The following IL1RAPL1 variants were observed in gnomAD, a reference collection of about 807,000 sequenced individuals.
The protein encoded by IL1RAPL1 is interleukin-1 receptor accessory protein-like 1.
A neutral mutation model predicts 48.4 loss-of-function variants in IL1RAPL1; 3 were observed. The ratio of observed to expected loss-of-function variants is 0.06; its 90% CI spans 0.03 to 0.16. The LOEUF (loss-of-function observed/expected upper bound fraction) is 0.16, where lower values mean the gene tolerates loss of function less well. IL1RAPL1 is among the 10% of genes least tolerant of loss of function. The probability of loss-of-function intolerance (pLI) is 1.00; values close to 1 mark genes in which losing one functional copy is unlikely to be tolerated. For synonymous variants in IL1RAPL1, 185 were observed against 187.7 expected, an observed-to-expected ratio of 0.99 and a Z score of 0.12; for missense variants, 349 against 530.6, an observed-to-expected ratio of 0.66 and a Z score of 3.36.
At chrX:28,741,542 C>T (rs979069700) in intron 1 of IL1RAPL1, among the ~76,000 whole-genome samples, 1 of 111,959 alleles carries the variant, frequency 8.9e-6, no homozygotes, top group African/African-American at 3.2e-5. Flanking sequence ...AAACATGCTT[C>T]ACAAACCTTG....
In IL1RAPL1 at chrX:28,713,284, C is replaced by T. The variant is rs1166125422; in HGVS notation, c.-24-76036C>T. ...TGTTAGCCAGGATGGTCTCGATCTC[C>T]TGAACTCGTGATCTGCCCACCTCGG... is the stretch of plus-strand genomic sequence containing the variant. On this transcript the variant is annotated intron_variant, in intron 1 of 10. Coordinates refer to ENST00000378993, the MANE Select transcript of IL1RAPL1 (RefSeq NM_014271.4). Among the ~76,000 whole-genome samples, 4 of 110,549 alleles carry T rather than the reference C, an allele frequency of 3.6e-5. No homozygotes were observed. The East Asian group carries it at 1.1e-3, about 32-fold the overall frequency.
chrX:29,262,108 T>C (rs1386920407), intron 2 of IL1RAPL1, among the ~76,000 whole-genome samples: 1 of 111,587 alleles, frequency 9.0e-6, no homozygotes, highest in African/African-American at 3.3e-5. Context: ...AGTACAAATG[T>C]AAGATGGGCA....
intron 1 of IL1RAPL1, among the ~76,000 whole-genome samples, chrX:28,646,419 C>G (rs771644635): frequency 1.8e-5 from 2 of 112,320 alleles, no homozygotes; most frequent in African/African-American, 3.2e-5. Flanking sequence ...CATATTATTG[C>G]ACTTGTATCA....
chrX:29,880,968 T>A (rs1187711508), intron 6 of IL1RAPL1, among the ~76,000 whole-genome samples: 1 of 111,499 alleles, frequency 9.0e-6, no homozygotes, highest in Non-Finnish European at 1.9e-5. Flanking sequence ...CCAACCACAT[T>A]CAAAAATAGA....
At chrX:29,515,456 C>T (rs1268815298) in intron 5 of IL1RAPL1, among the ~76,000 whole-genome samples, 1 of 112,161 alleles carries the variant, frequency 8.9e-6, no homozygotes, top group Non-Finnish European at 1.9e-5. Flanking sequence ...ATCTGTTCTC[C>T]ATTTCTATTA....
intron 6 of IL1RAPL1, among the ~76,000 whole-genome samples, chrX:29,793,191 A>G (rs1170883040): frequency 1.8e-5 from 2 of 112,377 alleles, no homozygotes; most frequent in Non-Finnish European, 3.8e-5. Context: ...CACAAACAAC[A>G]TATACATCAC....
intron 1 of IL1RAPL1, among the ~76,000 whole-genome samples, chrX:28,689,471 A>G (rs1458137398): frequency 1.8e-5 from 2 of 111,642 alleles, no homozygotes; most frequent in East Asian, 5.6e-4. Context: ...CTGTGAGTCA[A>G]TTAAACCTCT....
chrX:29,660,873 A>G (rs1925826972), intron 5 of IL1RAPL1, among the ~76,000 whole-genome samples: 1 of 112,087 alleles, frequency 8.9e-6, no homozygotes. Context: ...GAAAAATGAC[A>G]TTAGTACTTT....
intron 2 of IL1RAPL1, among the ~76,000 whole-genome samples, chrX:28,805,668 A>G (rs1936722101): frequency 9.0e-6 from 1 of 111,300 alleles, no homozygotes. Context: ...AAATATACAC[A>G]CAGTTAACTA....
intron 3 of IL1RAPL1, among the ~76,000 whole-genome samples, chrX:29,392,263 T>C (rs1254907404): frequency 8.9e-6 from 1 of 112,543 alleles, no homozygotes; most frequent in African/African-American, 3.2e-5. Context: ...CTAATGGTTT[T>C]ACCATAAGTC....
rs56974296 is a variant in IL1RAPL1, at chrX:29,684,501, G to A, written c.778+15997G>A. Among the ~76,000 whole-genome samples the A allele has an allele frequency of 7.1e-3, 727 of 102,005 alleles. 7 individuals carry two copies. Among genetic ancestry groups the A allele is most frequent in the South Asian group, 0.029 (59 of 2,065 alleles). The allele number at this position is 102,005 out of a possible 115,157, so 88.6% of individuals were successfully genotyped here. A position where few individuals can be genotyped will look rare whatever the true frequency, so the allele number is the denominator to read the frequency against. Reference sequence around the variant, plus strand: ...GGGATGAAAATATTCAGATTACAGCGGTTTCTCAGGTTTTTGGTTTTGGGT... The same window carrying A: ...GGGATGAAAATATTCAGATTACAGCAGTTTCTCAGGTTTTTGGTTTTGGGT... On this transcript the variant is annotated intron_variant, in intron 6 of 10. Coordinates refer to ENST00000378993, the MANE Select transcript of IL1RAPL1 (RefSeq NM_014271.4).
chrX:29,347,628 A>G (rs1252924920), intron 3 of IL1RAPL1, among the ~76,000 whole-genome samples: 2 of 110,356 alleles, frequency 1.8e-5, no homozygotes, highest in Non-Finnish European at 3.8e-5. Context: ...GGGCTCAACC[A>G]GTCCTCCCAC....
intron 5 of IL1RAPL1, among the ~76,000 whole-genome samples, chrX:29,400,901 T>A (rs1304839981): frequency 1.8e-5 from 2 of 111,826 alleles, no homozygotes; most frequent in African/African-American, 6.5e-5. Flanking sequence ...GCACTTCTAG[T>A]CTTTATTCTT....
intron 1 of IL1RAPL1, among the ~76,000 whole-genome samples, chrX:28,601,448 C>G (rs1355948636): frequency 3.6e-5 from 4 of 110,667 alleles, no homozygotes; most frequent in African/African-American, 1.3e-4. Context: ...ACAAAACATA[C>G]AAGCAAACAA....
At chrX:28,696,876 A>G (rs956523722) in intron 1 of IL1RAPL1, among the ~76,000 whole-genome samples, 9 of 111,583 alleles carry the variant, frequency 8.1e-5, no homozygotes, top group African/African-American at 2.9e-4. Flanking sequence ...AGGCTTTGGC[A>G]TTACAAATAT....
chrX:29,046,954 G>A (rs1425673587), intron 2 of IL1RAPL1, among the ~76,000 whole-genome samples: 2 of 111,766 alleles, frequency 1.8e-5, no homozygotes, highest in South Asian at 3.8e-4. Context: ...AAAACCCACC[G>A]AAGTTAAGAT....
intron 2 of IL1RAPL1, among the ~76,000 whole-genome samples, chrX:29,109,803 G>A (rs1220555846): frequency 8.9e-6 from 1 of 112,108 alleles, no homozygotes; most frequent in Non-Finnish European, 1.9e-5. Context: ...AAAGTTAAAT[G>A]ATATTTTGAA....
At chrX:28,952,405 G>C (rs1023475797) in intron 2 of IL1RAPL1, among the ~76,000 whole-genome samples, 2 of 111,149 alleles carry the variant, frequency 1.8e-5, no homozygotes, top group African/African-American at 6.5e-5. Context: ...ACATACATAA[G>C]GACAACGTAA....
At chrX:28,888,478 G>C (rs1922696167) in intron 2 of IL1RAPL1, among the ~76,000 whole-genome samples, 1 of 110,926 alleles carries the variant, frequency 9.0e-6, no homozygotes, top group Non-Finnish European at 1.9e-5. Flanking sequence ...TTTTGATATA[G>C]AGGGCAAAAA....
Sources: gnomAD v4.1 joint callset for allele counts (sites outside exome capture counted in the v4.1 genomes callset) on GRCh38, gnomAD v4.1.1 for gene constraint, MANE v1.5 for transcripts, NCBI Gene and HGNC (gene_info 2026-07-23, HGNC 2026-07-21) for gene names.